Variants in COL6A5 observed in about 807,000 individuals in gnomAD.
COL6A5 encodes collagen type VI alpha 5 chain.
A neutral mutation model predicts 65.6 loss-of-function variants in COL6A5; 48 were observed. That is an observed-to-expected ratio of 0.73 (90% confidence interval 0.58 to 0.93). The LOEUF (loss-of-function observed/expected upper bound fraction) is 0.93. Among genes scored for constraint, COL6A5 ranks in the 40% least tolerant of loss-of-function variants. COL6A5 has a pLI of 0.00. For missense variants in COL6A5, 914 were observed against 928.3 expected (o/e 0.98, Z 0.20); for synonymous variants, 291 against 322.8 (o/e 0.90, Z 1.05).
chr3:130,436,342 T>C (rs1709033568), intron 1 of COL6A5, among the ~76,000 whole-genome samples: 1 of 152,050 alleles, frequency 6.6e-6, no homozygotes, highest in Admixed American at 6.6e-5. Flanking sequence ...TGGATTTTTT[T>C]CCTTCTCTGC....
intron 8 of COL6A5, 94 bp from the exon 9 acceptor site, chr3:130,397,489 G>A (rs1936642301): frequency 1.1e-6 from 1 of 924,950 alleles, no homozygotes; most frequent in African/African-American, 1.7e-5. Context: ...AGACCCTCTA[G>A]CTCTGGGGCA....
intron 4 of COL6A5, among the ~76,000 whole-genome samples, chr3:130,449,298 G>A (rs1051753842): frequency 6.6e-6 from 1 of 152,090 alleles, no homozygotes; most frequent in Non-Finnish European, 1.5e-5. Context: ...TCATGCTTTG[G>A]ACTGAGACCG....
intron 5 of COL6A5, among the ~76,000 whole-genome samples, chr3:130,464,332 T>A (rs1378646141): frequency 6.6e-6 from 1 of 151,918 alleles, no homozygotes; most frequent in Admixed American, 6.6e-5. Flanking sequence ...ATGAGTCCAC[T>A]ATGTTGCCCA....
At chr3:130,470,156 C>A (rs1303632691) in intron 6 of COL6A5, among the ~76,000 whole-genome samples, 1 of 151,542 alleles carries the variant, frequency 6.6e-6, no homozygotes, top group Non-Finnish European at 1.5e-5. Flanking sequence ...TTTAGGGTGT[C>A]TTTACACAGT....
chr3:130,449,326 C>A (rs1709375385), intron 4 of COL6A5, among the ~76,000 whole-genome samples: 1 of 152,114 alleles, frequency 6.6e-6, no homozygotes, highest in African/African-American at 2.4e-5. Flanking sequence ...GAACAAACCC[C>A]ATGTTTTCCA....
chr3:130,429,101 A>G (rs911859395), upstream of COL6A5, among the ~76,000 whole-genome samples: 2 of 152,172 alleles, frequency 1.3e-5, no homozygotes, highest in African/African-American at 4.8e-5. Flanking sequence ...ATCAAAGACA[A>G]AATTCACTTG....
intron 7 of COL6A5, chr3:130,476,914 T>C: frequency 1.4e-6 from 1 of 696,612 alleles, no homozygotes; most frequent in Non-Finnish European, 2.6e-6. Flanking sequence ...TTAGTTATAT[T>C]TGGCCAGCCC....
At chr3:130,458,367 C>T (rs1709625637) in intron 5 of COL6A5, among the ~76,000 whole-genome samples, 1 of 152,044 alleles carries the variant, frequency 6.6e-6, no homozygotes, top group African/African-American at 2.4e-5. Context: ...TATTTGTATG[C>T]CCTCAAGCTT....
intron 20 of COL6A5, among the ~76,000 whole-genome samples, chr3:130,413,013 A>G (rs13100417): frequency 0.89 from 135,246 of 152,146 alleles, 60,371 homozygotes; most frequent in Non-Finnish European, 0.93. Flanking sequence ...AAGGAGGCAA[A>G]GACAGGGTTT....
At chr3:130,396,963 C>T (rs1048220554) in intron 8 of COL6A5, among the ~76,000 whole-genome samples, 2 of 152,090 alleles carry the variant, frequency 1.3e-5, no homozygotes, top group Non-Finnish European at 2.9e-5. Context: ...CCCGGGTTCA[C>T]GCCATTCTCC....
At chr3:130,409,595 C>A (rs1225839651) in intron 18 of COL6A5, among the ~76,000 whole-genome samples, 1 of 152,140 alleles carries the variant, frequency 6.6e-6, no homozygotes, top group Non-Finnish European at 1.5e-5. Context: ...TACGCTGAGA[C>A]TTTCTGGTTC....
chr3:130,388,595 A>T, exon 6 of COL6A5: 1 of 1,542,902 alleles, frequency 6.5e-7, no homozygotes, highest in Non-Finnish European at 8.7e-7. Flanking sequence ...GAAGACATGA[A>T]GGCCGACATC....
intron 24 of COL6A5, 78 bp from the exon 25 acceptor site, chr3:130,418,791 T>C (rs1937436474): frequency 1.8e-6 from 2 of 1,115,970 alleles, no homozygotes; most frequent in African/African-American, 1.6e-5. Flanking sequence ...AGTCTCCTCA[T>C]CGAGTGGACA....
At chr3:130,416,708 C>T (rs1330945740) in intron 23 of COL6A5, 49 bp from the exon 24 acceptor site, 1 of 1,052,186 alleles carries the variant, frequency 9.5e-7, no homozygotes, top group Non-Finnish European at 1.4e-6. Flanking sequence ...AATGGGCTTT[C>T]TAAGAATTAC....
chr3:130,460,183 T>C (rs1709671493), intron 5 of COL6A5, among the ~76,000 whole-genome samples: 1 of 152,108 alleles, frequency 6.6e-6, no homozygotes, highest in South Asian at 2.1e-4. Flanking sequence ...CAGTACACTT[T>C]TCAAGGAAGA....
At chr3:130,414,021 G>T in intron 21 of COL6A5, 48 bp from the exon 22 acceptor site, 1 of 1,380,802 alleles carries the variant, frequency 7.2e-7, no homozygotes, top group Non-Finnish European at 1.0e-6. Context: ...AAATCTATAT[G>T]GAAACAACGT....
rs186657462 is a variant in COL6A5 at position 130,408,916 on chromosome 3, C to A, written c.4480-410C>A. ...CTAGACTGGCTAGGATGTCCAATAC[C>A]ATAGCCACTAACCACATGTGATTAT... is the stretch of plus-strand genomic sequence containing the variant. On this transcript the variant is annotated intron_variant and NMD_transcript_variant, in intron 17 of 41. Transcript: ENST00000312481. 7.7e-4 allele frequency among the ~76,000 whole-genome samples: 118 copies of A among 152,258 alleles called. 1 individual carries two copies. The highest frequency in any genetic ancestry group is 3.4e-3 in the Middle Eastern group (1 of 294).
At chr3:130,352,168 G>T (rs920795632) in intron 1 of COL6A5, among the ~76,000 whole-genome samples, 1 of 152,110 alleles carries the variant, frequency 6.6e-6, no homozygotes, top group Admixed American at 6.6e-5. Flanking sequence ...CAGGTGTGGG[G>T]CTGGGGGAGG....
intron 1 of COL6A5, among the ~76,000 whole-genome samples, chr3:130,349,138 A>G (rs561972497): frequency 4.6e-5 from 7 of 152,354 alleles, no homozygotes; most frequent in East Asian, 1.9e-4. Flanking sequence ...TGAAAGGCCA[A>G]TGTAACGTTC....
Sources: gnomAD v4.1 joint callset for allele counts (sites outside exome capture counted in the v4.1 genomes callset) on GRCh38, gnomAD v4.1.1 for gene constraint, MANE v1.5 for transcripts, NCBI Gene and HGNC (gene_info 2026-07-23, HGNC 2026-07-21) for gene names.